MICU3: variants seen among roughly 807,000 people sequenced by gnomAD.
The protein encoded by MICU3 is calcium uptake protein 3, mitochondrial.
MICU3 carries 62 observed loss-of-function variants against 66.5 expected under a neutral mutation model. The ratio of observed to expected loss-of-function variants is 0.93; its 90% CI spans 0.76 to 1.15. MICU3 has a LOEUF of 1.15. MICU3 is among the 50% of genes most tolerant of loss of function. The pLI is 0.00. For missense variants in MICU3, 779 were observed against 664.4 expected (o/e 1.17, Z -1.90); for synonymous variants, 308 against 240.7 (o/e 1.28, Z -2.59).
intron 1 of MICU3, chr8:17,049,578 G>T (rs777651787): frequency 1.9e-6 from 1 of 518,136 alleles, no homozygotes; most frequent in Non-Finnish European, 3.9e-6. Flanking sequence ...TTTTCCCAAG[G>T]TAACCTAACT....
chr8:17,027,554 G>A lies in MICU3; in HGVS notation c.275G>A (p.Gly92Asp). 1.6e-6 allele frequency: 2 copies of A among 1,280,526 alleles called. No individual in the cohort carries two copies. The highest frequency in any genetic ancestry group is 9.8e-7 in the Non-Finnish European group (1 of 1,015,840). The allele number at this position is 1,280,526 out of a possible 1,614,324, so 79.3% of individuals were successfully genotyped here. ...CYQLYGDPRAGSPATGRPSKS... is the reference protein window; with the variant it reads ...CYQLYGDPRADSPATGRPSKS... The stretch of plus-strand genomic sequence containing the variant: ...CAGCTGTACGGGGACCCCAGGGCCG[G>A]CTCGCCGGCGACCGGGCGACCCTCA... Residue 92 changes from glycine (G) to aspartate (D), a missense_variant, in exon 1 of 15, where the codon GGC becomes GAC. Coordinates refer to ENST00000318063, the MANE Select transcript of MICU3 (RefSeq NM_181723.3).
the MICU3 span, chr8:17,132,036 TGAG>T: frequency 2.0e-5 from 3 of 152,130 alleles, no homozygotes; most frequent in African/African-American, 2.4e-5. Context: ...ATCTCCAAAA[TGAG>T]GAGATGCAAC....
intron 9 of MICU3, among the ~76,000 whole-genome samples, chr8:17,098,773 C>A (rs945420072): frequency 6.6e-6 from 1 of 151,584 alleles, no homozygotes; most frequent in Non-Finnish European, 1.5e-5. Context: ...ACTTAAGGAT[C>A]ACTTTCTAGA....
intron 3 of MICU3, among the ~76,000 whole-genome samples, chr8:17,072,355 G>A (rs761142794): frequency 9.2e-5 from 14 of 151,824 alleles, no homozygotes; most frequent in Non-Finnish European, 1.3e-4. Flanking sequence ...TTAGGCCTCA[G>A]ATTTACTACC....
chr8:17,042,857 G>T (rs1279824042), intron 1 of MICU3, among the ~76,000 whole-genome samples: 1 of 150,736 alleles, frequency 6.6e-6, no homozygotes. Context: ...TTGACTAGGT[G>T]AGATATTTGC....
rs186951215 is a variant in MICU3 at position 17,082,282 on chromosome 8, A to G, written c.694+542A>G. ...TGTGTTCCAGCCACCTGGCCTTTCT[A>G]TTCCTTGAATTGCCGCCTCAGGGAT... On this transcript the variant is annotated intron_variant, in intron 5 of 14. Coordinates refer to ENST00000318063, the MANE Select transcript of MICU3 (RefSeq NM_181723.3). Among the ~76,000 whole-genome samples, 5 of 152,046 alleles carry G rather than the reference A, an allele frequency of 3.3e-5. No homozygotes were observed. In the East Asian group the frequency reaches 5.8e-4, roughly 18 times the overall value.
In MICU3 at chr8:17,120,417, T is replaced by C. The variant is rs1259400488; in HGVS notation, c.*130T>C. 6.6e-6 allele frequency: 1 copy of C among 152,014 alleles called. No homozygotes were observed. The highest frequency in any genetic ancestry group is 1.5e-5 in the Non-Finnish European group (1 of 67,936). 9.4% of individuals were successfully genotyped at this position (152,014 alleles called of 1,614,324 possible). A position where few individuals can be genotyped will look rare whatever the true frequency, so the allele number is the denominator to read the frequency against. On this transcript the variant is annotated 3_prime_UTR_variant, in exon 15 of 15. Transcript: ENST00000318063. ...GAAGGAAAAGGTGAATGCTATGAAA[T>C]TGATATTTTTTCTGGAACTGAATTC...
chr8:17,027,630 G>C lies in MICU3; in HGVS notation c.351G>C (p.Leu117=). The C allele has an allele frequency of 7.6e-7, 1 of 1,308,228 alleles. No individual in the cohort carries two copies. 81.0% of individuals were successfully genotyped at this position (1,308,228 alleles called of 1,614,324 possible). The change falls in exon 1 of 15, where the codon CTG becomes CTC. Residue 117 remains leucine (L), a synonymous_variant. Coordinates refer to ENST00000318063, the MANE Select transcript of MICU3 (RefSeq NM_181723.3). ...ACCCGCCCCGCGGCCGGGGGATGCTGCCCATCCCAGTGGCGGCTGCCAAGG... is the reference window on the plus strand; with the variant it reads ...ACCCGCCCCGCGGCCGGGGGATGCTCCCCATCCCAGTGGCGGCTGCCAAGG... ...PEDPPRGRGM[L]PIPVAAAKET... is the part of the protein sequence containing the mutation.
chr8:17,088,090 T>C (rs1799659787), intron 7 of MICU3, among the ~76,000 whole-genome samples: 1 of 151,984 alleles, frequency 6.6e-6, no homozygotes, highest in Non-Finnish European at 1.5e-5. Context: ...TCAATCCCAA[T>C]ATATTTATGA....
chr8:17,115,708 A>G (rs77602879), intron 12 of MICU3, among the ~76,000 whole-genome samples: 246 of 152,278 alleles, frequency 1.6e-3, no homozygotes, highest in African/African-American at 5.6e-3. Flanking sequence ...TAACTTTTCT[A>G]TGACACATCT....
intron 1 of MICU3, among the ~76,000 whole-genome samples, chr8:17,028,683 G>A (rs1378578088): frequency 6.6e-6 from 1 of 152,142 alleles, no homozygotes; most frequent in Non-Finnish European, 1.5e-5. Flanking sequence ...TTAGGTTACG[G>A]AATCTGCTTT....
intron 1 of MICU3, among the ~76,000 whole-genome samples, chr8:17,056,665 T>A (rs959618677): frequency 6.6e-6 from 1 of 152,180 alleles, no homozygotes; most frequent in South Asian, 2.1e-4. Context: ...GATACTGTGT[T>A]GGCTCACAGG....
intron 1 of MICU3, among the ~76,000 whole-genome samples, chr8:17,045,444 C>A (rs1364579249): frequency 6.6e-6 from 1 of 152,132 alleles, no homozygotes; most frequent in East Asian, 1.9e-4. Flanking sequence ...CTTTTTTATC[C>A]AGTCACATTT....
At chr8:17,085,127 A>T in intron 5 of MICU3, 109 bp from the exon 6 acceptor site, 1 of 618,168 alleles carries the variant, frequency 1.6e-6, no homozygotes, top group Non-Finnish European at 2.8e-6. Flanking sequence ...TACGCTTTCT[A>T]CTATCTTTAA....
rs1380413454 is a variant in MICU3, at chr8:17,083,388, T to C, written c.694+1648T>C. Among the ~76,000 whole-genome samples the C allele has an allele frequency of 3.9e-5, 6 of 152,130 alleles. 1 individual carries two copies. The highest frequency in any genetic ancestry group is 4.4e-5 in the Non-Finnish European group (3 of 68,018). ...GACTCCTAAACCATAATTTCTAATC[T>C]TGTGGCTAATTTGTTAGTCCTACAA... On this transcript the variant is annotated intron_variant, in intron 5 of 14. Transcript: ENST00000318063.
intron 8 of MICU3, among the ~76,000 whole-genome samples, chr8:17,091,845 A>G (rs1015650151): frequency 3.3e-5 from 5 of 152,014 alleles, no homozygotes; most frequent in Non-Finnish European, 7.4e-5. Flanking sequence ...GCCATATGCC[A>G]TATACTACTT....
downstream of MICU3, among the ~76,000 whole-genome samples, chr8:17,126,110 C>G (rs1252606144): frequency 6.6e-6 from 1 of 151,106 alleles, no homozygotes; most frequent in African/African-American, 2.4e-5. Context: ...AAGGGGAGAT[C>G]CAGGGGGATG....
At chr8:17,125,716 C>T (rs181183414), downstream of MICU3, among the ~76,000 whole-genome samples, 2 of 152,140 alleles carry the variant, frequency 1.3e-5, no homozygotes, top group East Asian at 1.9e-4. Flanking sequence ...AACTTCAATC[C>T]TCTCTTCTCC....
chr8:17,131,976 T>C, the MICU3 span: 1 of 152,148 alleles, frequency 6.6e-6, no homozygotes, highest in Non-Finnish European at 1.5e-5. Flanking sequence ...TACGCACACT[T>C]GAATGCCATA....
Sources: allele counts gnomAD v4.1 joint callset (sites outside exome capture counted in the v4.1 genomes callset), GRCh38; gene constraint gnomAD v4.1.1; transcripts MANE v1.5; gene names NCBI Gene and HGNC (gene_info 2026-07-23, HGNC 2026-07-21).